The following EDN1 variants were observed in gnomAD, a reference collection of about 807,000 sequenced individuals.
EDN1 encodes endothelin 1, also known as endothelin-1.
Under a neutral mutation model 21.7 loss-of-function variants are expected in EDN1, and 11 were observed. The observed-to-expected ratio is 0.51, with a 90% CI of 0.32 to 0.84. The LOEUF is 0.84. Among genes scored for constraint, EDN1 ranks in the 40% least tolerant of loss-of-function variants. The pLI is 0.03. For missense variants in EDN1, 244 were observed against 262.3 expected, an observed-to-expected ratio of 0.93 and a Z score of 0.48; for synonymous variants, 85 against 90.6, an observed-to-expected ratio of 0.94 and a Z score of 0.35.
the EDN1 span, among the ~76,000 whole-genome samples, chr6:12,248,091 T>G: frequency 2.0e-5 from 3 of 151,930 alleles, no homozygotes; most frequent in Non-Finnish European, 4.4e-5. Flanking sequence ...CAATGGATAT[T>G]CCTCACAAGT....
the EDN1 span, among the ~76,000 whole-genome samples, chr6:12,231,952 C>T: frequency 6.6e-6 from 1 of 150,792 alleles, no homozygotes; most frequent in Non-Finnish European, 1.5e-5. Context: ...AACCAAAAAA[C>T]AATAGACTTA....
At chr6:12,250,746 G>A in the EDN1 span, among the ~76,000 whole-genome samples, 1 of 152,092 alleles carries the variant, frequency 6.6e-6, no homozygotes, top group African/African-American at 2.4e-5. Context: ...AAAAAAAATA[G>A]CATTCCTTTT....
At chr6:12,274,939 C>CTCCTTCCTTCCT in the EDN1 span, among the ~76,000 whole-genome samples, 81 of 135,440 alleles carry the variant, frequency 6.0e-4, no homozygotes, top group African/African-American at 2.1e-3. Flanking sequence ...TTTCTTCCTT[C>CTCCTTCCTTCCT]TCCTTCCTTC....
chr6:12,259,950 A>C, the EDN1 span, among the ~76,000 whole-genome samples: 6 of 149,190 alleles, frequency 4.0e-5, no homozygotes, highest in Non-Finnish European at 5.9e-5. Context: ...AAATCTAAAA[A>C]CTTTAAAGTA....
chr6:12,265,869 A>G, the EDN1 span, among the ~76,000 whole-genome samples: 1 of 152,246 alleles, frequency 6.6e-6, no homozygotes, highest in Non-Finnish European at 1.5e-5. Context: ...GGGAACAGAA[A>G]CAAAAGTATA....
chr6:12,234,999 A>G, the EDN1 span, among the ~76,000 whole-genome samples: 1 of 152,242 alleles, frequency 6.6e-6, no homozygotes, highest in Non-Finnish European at 1.5e-5. Context: ...GGATGATTTT[A>G]TCATATTCAT....
upstream of EDN1, chr6:12,290,213 T>A: frequency 4.8e-6 from 1 of 206,286 alleles, no homozygotes; most frequent in Non-Finnish European, 1.0e-5. Context: ...TGATTTCCTT[T>A]CGGGCCTGGC....
chr6:12,292,355 G>A lies in EDN1; in HGVS notation c.79G>A (p.Glu27Lys), dbSNP rs553767245. The A allele has an allele frequency of 5.6e-6, 9 of 1,614,118 alleles. No individual in the cohort carries two copies. In the African/African-American group the frequency reaches 1.2e-4, roughly 22 times the overall value. The part of the protein sequence containing the change: ...GAPETAVLGA[E>K]LSAVGENGGE... ...TCTCTCCCCAGCAGTCTTAGGCGCT[G>A]AGCTCAGCGCGGTGGGTGAGAACGG... The change falls in exon 2 of 5, where the codon GAG (glutamate) becomes AAG (lysine). Residue 27 changes from glutamate (E) to lysine (K), a missense_variant. Coordinates refer to ENST00000379375, the MANE Select transcript of EDN1 (RefSeq NM_001955.5).
upstream of EDN1, among the ~76,000 whole-genome samples, chr6:12,287,075 C>T (rs1444108221): frequency 1.3e-5 from 2 of 151,712 alleles, no homozygotes; most frequent in Non-Finnish European, 2.9e-5. Context: ...TATAACTGCA[C>T]CACTGCACTC....
chr6:12,232,162 T>C, the EDN1 span, among the ~76,000 whole-genome samples: 3 of 132,982 alleles, frequency 2.3e-5, no homozygotes, highest in African/African-American at 7.6e-5. Flanking sequence ...ATATTTATAA[T>C]ATAATATAAT....
the EDN1 span, among the ~76,000 whole-genome samples, chr6:12,249,807 C>T: frequency 2.0e-5 from 3 of 151,960 alleles, no homozygotes; most frequent in Admixed American, 1.3e-4. Context: ...TTGTGATTTA[C>T]GACAGTCCTA....
chr6:12,232,216 A>T, the EDN1 span, among the ~76,000 whole-genome samples: 1 of 147,618 alleles, frequency 6.8e-6, no homozygotes, highest in Non-Finnish European at 1.5e-5. Flanking sequence ...ATAATAAAGT[A>T]TATGTTATAA....
the EDN1 span, among the ~76,000 whole-genome samples, chr6:12,249,290 T>C: frequency 1.1e-4 from 17 of 152,166 alleles, no homozygotes; most frequent in African/African-American, 3.9e-4. Context: ...ATTCAACTGT[T>C]GCTTTGTTTT....
the EDN1 span, among the ~76,000 whole-genome samples, chr6:12,282,206 T>C: frequency 6.6e-6 from 1 of 152,094 alleles, no homozygotes; most frequent in Non-Finnish European, 1.5e-5. Context: ...TGGGAGAGAA[T>C]TGGGAAAAAT....
At chr6:12,260,390 C>G in the EDN1 span, among the ~76,000 whole-genome samples, 1,847 of 152,268 alleles carry the variant, frequency 0.012, 41 homozygotes, top group African/African-American at 0.042. Context: ...CCTCCCTACT[C>G]TGAGTTCAAT....
chr6:12,294,615 G>A (rs745729573), intron 4 of EDN1, among the ~76,000 whole-genome samples: 12 of 152,168 alleles, frequency 7.9e-5, no homozygotes, highest in Admixed American at 1.3e-4. Context: ...AATGCAAACC[G>A]ATGTCCTCTG....
the EDN1 span, among the ~76,000 whole-genome samples, chr6:12,237,098 T>A: frequency 1.3e-5 from 2 of 151,612 alleles, no homozygotes; most frequent in Admixed American, 1.3e-4. Flanking sequence ...CTGTCCTTGC[T>A]ATAGTTTGCT....
chr6:12,263,346 T>A, the EDN1 span, among the ~76,000 whole-genome samples: 1 of 152,208 alleles, frequency 6.6e-6, no homozygotes, highest in African/African-American at 2.4e-5. Context: ...TAGAAGCAAC[T>A]TCGTTGAGGA....
chr6:12,289,598 C>A (rs913883727), upstream of EDN1, among the ~76,000 whole-genome samples: 1 of 152,150 alleles, frequency 6.6e-6, no homozygotes, highest in Non-Finnish European at 1.5e-5. Flanking sequence ...TGAAAAACAC[C>A]TTTGCTTTTC....
Sources: allele counts gnomAD v4.1 joint callset (sites outside exome capture counted in the v4.1 genomes callset), GRCh38; gene constraint gnomAD v4.1.1; transcripts MANE v1.5; gene names NCBI Gene and HGNC (gene_info 2026-07-23, HGNC 2026-07-21).